SEC61A2: variants seen among roughly 807,000 people sequenced by gnomAD.
SEC61A2 encodes protein transport protein Sec61 subunit alpha isoform 2.
A neutral mutation model predicts 59.9 loss-of-function variants in SEC61A2; 28 were observed. The ratio of observed to expected loss-of-function variants is 0.47; its 90% CI spans 0.35 to 0.64. The LOEUF (loss-of-function observed/expected upper bound fraction) is 0.64, where lower values mean the gene tolerates loss of function less well. SEC61A2 is among the 30% of genes least tolerant of loss of function. The pLI is 0.01. For synonymous variants in SEC61A2, 202 were observed against 214.4 expected (o/e 0.94, Z 0.50); for missense variants, 340 against 585.9 (o/e 0.58, Z 4.33).
chr10:12,150,922 C>A (rs758646269), intron 6 of SEC61A2, among the ~76,000 whole-genome samples: 4 of 151,994 alleles, frequency 2.6e-5, no homozygotes, highest in Non-Finnish European at 5.9e-5. Flanking sequence ...TTACAGGTGC[C>A]TGCCACCACG....
intron 6 of SEC61A2, among the ~76,000 whole-genome samples, chr10:12,151,316 C>CTTT (rs532543581): frequency 7.2e-6 from 1 of 138,140 alleles, no homozygotes; most frequent in Non-Finnish European, 1.6e-5. Context: ...TTTTTCTTTT[C>CTTT]TTTTTTTTTT....
In SEC61A2 at chr10:12,160,931, A is replaced by G. The variant is rs1424541634; in HGVS notation, c.977A>G (p.Asp326Gly). The G allele has an allele frequency of 6.2e-7, 1 of 1,611,704 alleles. No individual in the cohort carries two copies. Among genetic ancestry groups the G allele is most frequent in the Non-Finnish European group, 8.5e-7 (1 of 1,178,990 alleles). Residue 326 changes from aspartate (D) to glycine (G), a missense_variant and splice_region_variant, in exon 10 of 12, where the codon GAT becomes GGT. By Grantham distance (94) the Asp-to-Gly change is moderately conservative. Coordinates refer to ENST00000298428, the MANE Select transcript of SEC61A2 (RefSeq NM_018144.4). The surrounding 1 kb of genome is among the most constrained non-coding windows in gnomAD (Gnocchi z 4.1). Reference protein sequence around the residue: ...FLVNLLGQWADVSGGGPARSY... With the variant: ...FLVNLLGQWAGVSGGGPARSY... ...GTTCTTTGTACTCCTGTTCTGTAGG[A>G]TGTCAGTGGGGGAGGACCCGCACGT...
At position 12,158,929 on chromosome 10, in the gene SEC61A2, G is replaced by C. The variant is rs1437778684; in HGVS notation, c.975+824G>C. Among the ~76,000 whole-genome samples the C allele has an allele frequency of 2.0e-5, 3 of 151,658 alleles. No homozygotes were observed. The highest frequency in any genetic ancestry group is 4.4e-5 in the Non-Finnish European group (3 of 67,952). Reference sequence around the variant, plus strand: ...GACGGTAGAGACAGCGGTGCTGCTAGTAATATAATCCTATACATTCTCATA... The same window carrying C: ...GACGGTAGAGACAGCGGTGCTGCTACTAATATAATCCTATACATTCTCATA... On this transcript the variant is annotated intron_variant, in intron 9 of 11. Coordinates refer to ENST00000298428, the MANE Select transcript of SEC61A2 (RefSeq NM_018144.4). This position sits in a 1 kb window ranked among gnomAD's most constrained non-coding sequence, Gnocchi z 5.7.
chr10:12,143,320 A>G lies in SEC61A2; in HGVS notation c.220+125A>G. 6.8e-6 allele frequency: 5 copies of G among 736,444 alleles called. 1 individual carries two copies. Among genetic ancestry groups the G allele is most frequent in the Non-Finnish European group, 9.8e-6 (4 of 408,738 alleles). The allele number at this position is 736,444 out of a possible 1,614,324, so 45.6% of individuals were successfully genotyped here. ...ATATCATTGCCTAGAAAAGCCTAGTATGTAGATAATGACAACACCGTGTGA... is the reference window on the plus strand; with the variant it reads ...ATATCATTGCCTAGAAAAGCCTAGTGTGTAGATAATGACAACACCGTGTGA... On this transcript the variant is annotated intron_variant, in intron 4 of 11. Transcript: ENST00000298428. This position sits in a 1 kb window ranked among gnomAD's most constrained non-coding sequence, Gnocchi z 4.8.
At chr10:12,159,533 C>G (rs1316183914) in intron 9 of SEC61A2, among the ~76,000 whole-genome samples, 2 of 152,040 alleles carry the variant, frequency 1.3e-5, no homozygotes, top group Non-Finnish European at 2.9e-5. Flanking sequence ...TACAAAAAAA[C>G]TTAAAAACTA....
At chr10:12,132,145 A>G (rs1006850740) in intron 1 of SEC61A2, among the ~76,000 whole-genome samples, 3 of 150,792 alleles carry the variant, frequency 2.0e-5, no homozygotes, top group Non-Finnish European at 3.0e-5. Flanking sequence ...TACGAAAAAT[A>G]TAAAAATTAG....
chr10:12,155,888 T>C lies in SEC61A2; in HGVS notation c.573T>C (p.Ile191=). The C allele has an allele frequency of 6.2e-7, 1 of 1,614,208 alleles. No individual in the cohort carries two copies. The highest frequency in any genetic ancestry group is 8.5e-7 in the Non-Finnish European group (1 of 1,180,026). ...LFIATNICET[I]VWKAFSPTTI... is the part of the protein sequence containing the mutation. The stretch of plus-strand genomic sequence containing the variant: ...TTGCCACCAACATCTGTGAGACCAT[T>C]GTCTGGAAGGCCTTTAGTCCCACTA... The change falls in exon 7 of 12, where the codon ATT becomes ATC. Residue 191 remains isoleucine (I), a synonymous_variant. Transcript: ENST00000298428. The surrounding 1 kb of genome is among the most constrained non-coding windows in gnomAD (Gnocchi z 4.3).
chr10:12,138,651 T>G (rs1332986473), intron 3 of SEC61A2, among the ~76,000 whole-genome samples: 1 of 152,356 alleles, frequency 6.6e-6, no homozygotes, highest in Non-Finnish European at 1.5e-5. Flanking sequence ...AGTGTCTAAC[T>G]TCATAATCTT....
Position 12,149,513 on chromosome 10 carries a change from G to T in SEC61A2, c.221-82G>T, listed in dbSNP as rs561152526. 9.0e-6 allele frequency: 12 copies of T among 1,331,056 alleles called. No individual in the cohort carries two copies. The highest frequency in any genetic ancestry group is 1.2e-5 in the Non-Finnish European group (12 of 976,938). The allele number at this position is 1,331,056 out of a possible 1,614,324, so 82.5% of individuals were successfully genotyped here. ...AATTTTCACGTGTGTTTCAGTTGAG[G>T]TAATTAGGGAGTGCGACACCTCTAA... On this transcript the variant is annotated intron_variant, in intron 4 of 11. Coordinates refer to ENST00000298428, the MANE Select transcript of SEC61A2 (RefSeq NM_018144.4). The surrounding 1 kb of genome is among the most constrained non-coding windows in gnomAD (Gnocchi z 5.2).
At position 12,143,351 on chromosome 10, in the gene SEC61A2, G is replaced by A. The variant is rs1322581988; in HGVS notation, c.220+156G>A. On this transcript the variant is annotated intron_variant, in intron 4 of 11. Transcript: ENST00000298428. The surrounding 1 kb of genome is among the most constrained non-coding windows in gnomAD (Gnocchi z 4.8). ...ATAATGACAACACCGTGTGATTAAT[G>A]TAATCATAGAGAAATCTGTTCTTGG... is the stretch of plus-strand genomic sequence containing the variant. 6.6e-6 allele frequency among the ~76,000 whole-genome samples: 1 copy of A among 152,150 alleles called. No homozygotes were observed. Among genetic ancestry groups the A allele is most frequent in the Non-Finnish European group, 1.5e-5 (1 of 68,040 alleles).
chr10:12,168,167 G>A (rs1370345162), downstream of SEC61A2, among the ~76,000 whole-genome samples: 1 of 152,062 alleles, frequency 6.6e-6, no homozygotes, highest in Non-Finnish European at 1.5e-5. The surrounding 1 kb of genome is among the most constrained non-coding windows in gnomAD (Gnocchi z 4.8). Context: ...TGGGACTATA[G>A]GCGCACGCCA....
At position 12,145,953 on chromosome 10, in the gene SEC61A2, A is replaced by T. The variant is rs145318943; in HGVS notation, c.220+2758A>T. 3.5e-3 allele frequency among the ~76,000 whole-genome samples: 528 copies of T among 152,314 alleles called. 3 individuals are homozygous for T. The highest frequency in any genetic ancestry group is 0.012 in the African/African-American group (499 of 41,552). On this transcript the variant is annotated intron_variant, in intron 4 of 11. Transcript: ENST00000298428. This position sits in a 1 kb window ranked among gnomAD's most constrained non-coding sequence, Gnocchi z 4.4. ...GGAGCAAGGCCAGCCCTTAGGCCTC[A>T]GCAGCAGGGATTGGTGAACATTTTC...
At chr10:12,146,419 G>A (rs1257624377) in intron 4 of SEC61A2, among the ~76,000 whole-genome samples, 1 of 152,184 alleles carries the variant, frequency 6.6e-6, no homozygotes, top group Admixed American at 6.5e-5. Flanking sequence ...TGGATGCTGG[G>A]GGCCTACTCC....
At position 12,164,907 on chromosome 10, in the gene SEC61A2, T is replaced by C. The variant is rs1033475400; in HGVS notation, c.*453T>C. 1 of 977,332 alleles carries C rather than the reference T, an allele frequency of 1.0e-6. No homozygotes were observed. The highest frequency in any genetic ancestry group is 1.2e-6 in the Non-Finnish European group (1 of 822,402). The allele number at this position is 977,332 out of a possible 1,614,324, so 60.5% of individuals were successfully genotyped here. Reference sequence around the variant, plus strand: ...CTATATTTTAGATAATTACTTTTTATACTTTTTTAACTCATGGTATCCCCA... The same window carrying C: ...CTATATTTTAGATAATTACTTTTTACACTTTTTTAACTCATGGTATCCCCA... On this transcript the variant is annotated 3_prime_UTR_variant, in exon 12 of 12. Coordinates refer to ENST00000298428, the MANE Select transcript of SEC61A2 (RefSeq NM_018144.4). This position sits in a 1 kb window ranked among gnomAD's most constrained non-coding sequence, Gnocchi z 7.3.
chr10:12,167,854 A>G, downstream of SEC61A2: 3 of 1,610,108 alleles, frequency 1.9e-6, no homozygotes, highest in Non-Finnish European at 2.5e-6. Flanking sequence ...GCCGTTAAGG[A>G]AGGACAAAAC....
downstream of SEC61A2, chr10:12,167,604 C>T (rs1834734529): frequency 8.4e-7 from 1 of 1,186,990 alleles, no homozygotes; most frequent in African/African-American, 1.5e-5. Flanking sequence ...TACGAAAAAG[C>T]TAATGGCAAA....
downstream of SEC61A2, chr10:12,166,642 G>A: frequency 2.2e-6 from 1 of 454,438 alleles, no homozygotes; most frequent in Non-Finnish European, 4.5e-6. Context: ...ACCCGCTGGA[G>A]CCAGGCTAGA....
At chr10:12,135,289 C>T (rs922918982) in intron 2 of SEC61A2, among the ~76,000 whole-genome samples, 3 of 151,900 alleles carry the variant, frequency 2.0e-5, no homozygotes, top group Admixed American at 6.6e-5. Flanking sequence ...ACGTTCAGCA[C>T]ATGTATCCTA....
intron 3 of SEC61A2, among the ~76,000 whole-genome samples, chr10:12,137,141 G>C (rs1833908060): frequency 6.8e-6 from 1 of 148,080 alleles, no homozygotes; most frequent in South Asian, 2.2e-4. Flanking sequence ...CCTAGGCTCA[G>C]GTGATGCTCC....
Sources: gnomAD v4.1 joint callset for allele counts (sites outside exome capture counted in the v4.1 genomes callset) on GRCh38, gnomAD v4.1.1 for gene constraint, Gnocchi (gnomAD v3.1) non-coding constraint, MANE v1.5 for transcripts, NCBI Gene and HGNC (gene_info 2026-07-23, HGNC 2026-07-21) for gene names.